Variants in DPP6 observed in about 807,000 individuals in gnomAD.
The protein encoded by DPP6 is dipeptidyl peptidase like 6, also known as A-type potassium channel modulatory protein DPP6.
DPP6 carries 69 observed loss-of-function variants against 122.6 expected under a neutral mutation model. The observed-to-expected ratio is 0.56, with a 90% CI of 0.46 to 0.69. The LOEUF (loss-of-function observed/expected upper bound fraction) is 0.69, where lower values mean the gene tolerates loss of function less well. DPP6 is among the 30% of genes least tolerant of loss of function. The pLI, the probability that DPP6 is intolerant of heterozygous loss-of-function variation, is 0.00. For synonymous variants in DPP6, 418 were observed against 433.1 expected (o/e 0.97, Z 0.43); for missense variants, 928 against 1,116.9 (o/e 0.83, Z 2.41).
chr7:154,403,753 C>T lies in DPP6; in HGVS notation c.244-42461C>T, dbSNP rs1477951638. 6.6e-6 allele frequency among the ~76,000 whole-genome samples: 1 copy of T among 152,232 alleles called. No individual in the cohort carries two copies. The highest frequency in any genetic ancestry group is 1.5e-5 in the Non-Finnish European group (1 of 68,044). On this transcript the variant is annotated intron_variant, in intron 1 of 25. Coordinates refer to ENST00000377770, the MANE Select transcript of DPP6 (RefSeq NM_130797.4). The surrounding 1 kb of genome is among the most constrained non-coding windows in gnomAD (Gnocchi z 4.1). Reference sequence around the variant, plus strand: ...TGCAGGAGCTGGTAGCTGAGTTCCCCTTCCTGTTTTACACTTCTGGTCTTT... The same window carrying T: ...TGCAGGAGCTGGTAGCTGAGTTCCCTTTCCTGTTTTACACTTCTGGTCTTT...
rs188294719 is a variant in DPP6, at chr7:154,532,024, T to C, written c.458-8508T>C. 4.3e-3 allele frequency among the ~76,000 whole-genome samples: 658 copies of C among 152,064 alleles called. 4 individuals are homozygous for C. The highest frequency in any genetic ancestry group is 7.6e-3 in the Non-Finnish European group (515 of 67,922). ...GACACTTAGAAAACAAACAAACAAA[T>C]GATAAACCCAAACCCAGCCATATAA... On this transcript the variant is annotated intron_variant, in intron 3 of 25. Coordinates refer to ENST00000377770, the MANE Select transcript of DPP6 (RefSeq NM_130797.4).
At chr7:153,759,277 G>A in the DPP6 span, among the ~76,000 whole-genome samples, 7 of 151,362 alleles carry the variant, frequency 4.6e-5, no homozygotes, top group Admixed American at 4.6e-4. Context: ...CTATATATTT[G>A]CAAAGTTTCT....
chr7:154,893,475 A>AAAACAG lies in DPP6; in HGVS notation c.*998_*999insCAGAAA, dbSNP rs1806809908. 6.8e-6 allele frequency: 1 copy of AAAACAG among 147,602 alleles called. No homozygotes were observed. Among genetic ancestry groups the AAAACAG allele is most frequent in the Non-Finnish European group, 1.5e-5 (1 of 66,282 alleles). 9.1% of individuals were successfully genotyped at this position (147,602 alleles called of 1,614,324 possible). On this transcript the variant is annotated 3_prime_UTR_variant, in exon 26 of 26. Transcript: ENST00000377770. ...TTTAAAAAAAAAAAAAAAAAAAAAA[A>AAAACAG]AAAAACAGAAAAAAGACAAAGCGTC...
intron 1 of DPP6, among the ~76,000 whole-genome samples, chr7:154,030,989 G>A (rs1585202697): frequency 6.6e-6 from 1 of 151,948 alleles, no homozygotes. Context: ...GTTACTTTTA[G>A]CTCTAAACGT....
At chr7:154,104,040 C>T (rs954569930) in intron 1 of DPP6, among the ~76,000 whole-genome samples, 3 of 152,198 alleles carry the variant, frequency 2.0e-5, no homozygotes, top group African/African-American at 4.8e-5. Flanking sequence ...TAATAAGCTC[C>T]GTTTCATATA....
intron 1 of DPP6, among the ~76,000 whole-genome samples, chr7:154,317,206 T>C (rs1030471207): frequency 8.5e-5 from 13 of 152,090 alleles, no homozygotes; most frequent in African/African-American, 3.1e-4. Flanking sequence ...TGCTTGAAAT[T>C]GGACAGAAAG....
intron 13 of DPP6, among the ~76,000 whole-genome samples, chr7:154,803,137 T>G (rs549281818): frequency 1.3e-5 from 2 of 152,048 alleles, no homozygotes; most frequent in East Asian, 3.9e-4. Context: ...GCCCACAGAG[T>G]GTGTGCCTTG....
At chr7:154,182,152 G>A (rs1160835117) in intron 1 of DPP6, among the ~76,000 whole-genome samples, 1 of 152,118 alleles carries the variant, frequency 6.6e-6, no homozygotes, top group Non-Finnish European at 1.5e-5. Flanking sequence ...TGAACAAGCT[G>A]AACTTCTCAC....
At chr7:154,780,793 G>A (rs767994684) in intron 10 of DPP6, among the ~76,000 whole-genome samples, 16 of 152,236 alleles carry the variant, frequency 1.1e-4, no homozygotes, top group Non-Finnish European at 1.9e-4. Context: ...TGAGGCATGA[G>A]CAAATATTGA....
chr7:153,814,713 A>G, the DPP6 span, among the ~76,000 whole-genome samples: 3 of 152,186 alleles, frequency 2.0e-5, no homozygotes, highest in Admixed American at 6.5e-5. Context: ...TCCTCAATAA[A>G]ATACTGGCAA....
intron 7 of DPP6, among the ~76,000 whole-genome samples, chr7:154,717,542 G>C (rs1841557614): frequency 6.6e-6 from 1 of 152,162 alleles, no homozygotes; most frequent in Non-Finnish European, 1.5e-5. Context: ...GTGTCCTCTA[G>C]GTTCATCCAT....
In DPP6 at chr7:154,448,058, G is replaced by T. The variant is rs568670722; in HGVS notation, c.358+1730G>T. ...CAGCATGGCTATTTAACATTATATTGGAGGGTCTAGCCAGGGCTATTAGGT... is the reference window on the plus strand; with the variant it reads ...CAGCATGGCTATTTAACATTATATTTGAGGGTCTAGCCAGGGCTATTAGGT... On this transcript the variant is annotated intron_variant, in intron 2 of 25. Transcript: ENST00000377770. Among the ~76,000 whole-genome samples, 3 of 152,240 alleles carry T rather than the reference G, an allele frequency of 2.0e-5. No homozygotes were observed. The East Asian group carries it at 5.8e-4, about 29-fold the overall frequency.
At chr7:154,354,913 G>A (rs959078953) in intron 1 of DPP6, among the ~76,000 whole-genome samples, 8 of 152,192 alleles carry the variant, frequency 5.3e-5, no homozygotes, top group Admixed American at 5.2e-4. Context: ...TTCAGCTTTG[G>A]TTGATTCTGC....
At position 154,747,518 on chromosome 7, in the gene DPP6, T is replaced by G. The variant is rs1843089625; in HGVS notation, c.883+19631T>G. 2.0e-5 allele frequency among the ~76,000 whole-genome samples: 3 copies of G among 152,204 alleles called. 1 individual carries two copies. The highest frequency in any genetic ancestry group is 2.0e-4 in the Admixed American group (3 of 15,288). On this transcript the variant is annotated intron_variant, in intron 8 of 25. Transcript: ENST00000377770. The stretch of plus-strand genomic sequence containing the variant: ...AGTTTCCTCCTCTGTAAGATGGAAC[T>G]AGCAGCATCGACCTTGTGGGGTCAT...
intron 3 of DPP6, among the ~76,000 whole-genome samples, chr7:154,496,511 A>G (rs1824752399): frequency 6.6e-6 from 1 of 152,206 alleles, no homozygotes; most frequent in African/African-American, 2.4e-5. Context: ...CTCAATGGCA[A>G]ATGTTCCCTG....
At chr7:154,158,551 T>C (rs1422756181) in intron 1 of DPP6, among the ~76,000 whole-genome samples, 1 of 151,960 alleles carries the variant, frequency 6.6e-6, no homozygotes, top group Non-Finnish European at 1.5e-5. Flanking sequence ...TTTGTTCTTT[T>C]TGAATTCTTT....
chr7:154,630,736 A>G (rs1406202030), intron 5 of DPP6, among the ~76,000 whole-genome samples: 1 of 152,158 alleles, frequency 6.6e-6, no homozygotes, highest in Non-Finnish European at 1.5e-5. Flanking sequence ...TTGAACAATA[A>G]GAACACATGG....
At chr7:154,102,925 C>T (rs1317528157) in intron 1 of DPP6, among the ~76,000 whole-genome samples, 3 of 152,064 alleles carry the variant, frequency 2.0e-5, no homozygotes, top group South Asian at 2.1e-4. Flanking sequence ...AACATGTGAT[C>T]GGATTTTGAG....
intron 1 of DPP6, among the ~76,000 whole-genome samples, chr7:154,074,343 C>T (rs374346870): frequency 3.9e-5 from 6 of 152,034 alleles, no homozygotes; most frequent in African/African-American, 1.4e-4. Flanking sequence ...ATTATGAAAG[C>T]ATTAAAACAC....
Sources: gnomAD v4.1 joint callset for allele counts (sites outside exome capture counted in the v4.1 genomes callset) on GRCh38, gnomAD v4.1.1 for gene constraint, Gnocchi (gnomAD v3.1) non-coding constraint, MANE v1.5 for transcripts, NCBI Gene and HGNC (gene_info 2026-07-23, HGNC 2026-07-21) for gene names.